MSN: variants seen among roughly 807,000 people sequenced by gnomAD.
MSN encodes epididymis luminal protein 70.
Under a neutral mutation model 48.0 loss-of-function variants are expected in MSN, and 2 were observed. That is an observed-to-expected ratio of 0.04 (90% CI 0.02 to 0.13). The LOEUF is 0.13. MSN is among the 10% of genes least tolerant of loss of function. The pLI, the probability that MSN is intolerant of heterozygous loss-of-function variation, is 1.00. For synonymous variants in MSN, 146 were observed against 166.9 expected (o/e 0.87, Z 0.97); for missense variants, 267 against 470.1 (o/e 0.57, Z 3.99).
At chrX:65,652,831 A>G (rs1410149405) in intron 1 of MSN, among the ~76,000 whole-genome samples, 1 of 108,697 alleles carries the variant, frequency 9.2e-6, no homozygotes, top group African/African-American at 3.6e-5. Context: ...CGTAGCCTAG[A>G]TGATGTTAAA....
intron 1 of MSN, among the ~76,000 whole-genome samples, chrX:65,676,662 C>T (rs529074329): frequency 9.0e-6 from 1 of 111,563 alleles, no homozygotes; most frequent in East Asian, 2.8e-4. Context: ...ACCTGTCAGG[C>T]TTGATCAGTA....
intron 2 of MSN, 46 bp from the exon 3 acceptor site, chrX:65,727,768 A>G: frequency 9.5e-7 from 1 of 1,057,662 alleles, no homozygotes; most frequent in Non-Finnish European, 1.3e-6. Context: ...CCTCACACAG[A>G]GGAAGTATTC....
chrX:65,685,618 C>T (rs1288246849), intron 1 of MSN, among the ~76,000 whole-genome samples: 1 of 111,688 alleles, frequency 9.0e-6, no homozygotes, highest in Non-Finnish European at 1.9e-5. Flanking sequence ...TTTTTTGAGA[C>T]AGAGTCTTGC....
At chrX:65,728,363 G>A (rs776254854) in intron 3 of MSN, among the ~76,000 whole-genome samples, 1 of 111,137 alleles carries the variant, frequency 9.0e-6, no homozygotes, top group African/African-American at 3.3e-5. Flanking sequence ...GTGCCATCTC[G>A]GCTCACTGCA....
At position 65,722,741 on chromosome X, in the gene MSN, C is replaced by T. The variant is rs770017719; in HGVS notation, c.97-5073C>T. Among the ~76,000 whole-genome samples, 7 of 110,777 alleles carry T rather than the reference C, an allele frequency of 6.3e-5. No individual in the cohort carries two copies. The East Asian group carries it at 1.7e-3, about 27-fold the overall frequency. On this transcript the variant is annotated intron_variant, in intron 2 of 12. Transcript: ENST00000360270. ...GCCATGCTCTGGGCTTTTGAAGTGG[C>T]TGATGACATCACTAGTTTGTTTACT...
intron 1 of MSN, among the ~76,000 whole-genome samples, chrX:65,614,683 T>A (rs1602719255): frequency 9.9e-6 from 1 of 101,380 alleles, no homozygotes; most frequent in East Asian, 2.9e-4. Context: ...TTTTTTCTTT[T>A]ATTTATTTAT....
chrX:65,715,046 A>G (rs865951848), intron 1 of MSN, among the ~76,000 whole-genome samples: 1 of 112,150 alleles, frequency 8.9e-6, no homozygotes, highest in Non-Finnish European at 1.9e-5. Context: ...ATGGCTAACC[A>G]GTTATCCCAG....
chrX:65,694,079 A>C (rs974909816), intron 1 of MSN, among the ~76,000 whole-genome samples: 18 of 110,301 alleles, frequency 1.6e-4, no homozygotes, highest in East Asian at 5.7e-4. Flanking sequence ...AAAAAACAAA[A>C]AAAAAAAACA....
chrX:65,740,727 G>A lies in MSN; in HGVS notation c.*834G>A, dbSNP rs1267677792. ...ATTATTCCAGATCTGCAGTCACTTC[G>A]TGGGATCTGCCCCTCCCTGCTTCAA... is the stretch of plus-strand genomic sequence containing the variant. On this transcript the variant is annotated 3_prime_UTR_variant, in exon 13 of 13. Transcript: ENST00000360270. 1.7e-5 allele frequency: 3 copies of A among 172,609 alleles called. No homozygotes were observed. The highest frequency in any genetic ancestry group is 5.9e-5 in the African/African-American group (2 of 33,750). 14.2% of individuals were successfully genotyped at this position (172,609 alleles called of 1,213,427 possible).
intron 1 of MSN, among the ~76,000 whole-genome samples, chrX:65,673,373 T>A (rs1168381347): frequency 9.0e-6 from 1 of 111,677 alleles, no homozygotes; most frequent in Admixed American, 9.5e-5. Context: ...TATTGGTAGA[T>A]ATTGAGGCCT....
chrX:65,661,227 C>G (rs766586508), intron 1 of MSN, among the ~76,000 whole-genome samples: 1 of 111,814 alleles, frequency 8.9e-6, no homozygotes, highest in South Asian at 3.7e-4. Context: ...GTCTCTCAAA[C>G]TGCTGGGATT....
In MSN at chrX:65,740,963, C is replaced by T; in HGVS notation, c.*1070C>T. On this transcript the variant is annotated 3_prime_UTR_variant, in exon 13 of 13. Coordinates refer to ENST00000360270, the MANE Select transcript of MSN (RefSeq NM_002444.3). The stretch of plus-strand genomic sequence containing the variant: ...CAGCCTTGGCATCTAGAGCTTGATG[C>T]CAGTAGGCTCAACTAGGGAGTGAGT... 1.2e-5 allele frequency: 2 copies of T among 170,791 alleles called. No homozygotes were observed. Among genetic ancestry groups the T allele is most frequent in the Non-Finnish European group, 2.3e-5 (2 of 88,523 alleles). 14.1% of individuals were successfully genotyped at this position (170,791 alleles called of 1,213,427 possible). A position where few individuals can be genotyped will look rare whatever the true frequency, so the allele number is the denominator to read the frequency against.
chrX:65,601,370 G>T (rs2070233862), intron 1 of MSN, among the ~76,000 whole-genome samples: 1 of 112,125 alleles, frequency 8.9e-6, no homozygotes, highest in Admixed American at 9.5e-5. Flanking sequence ...GGAGGAAGCA[G>T]TTGGGGCCTG....
Position 65,654,103 on chromosome X carries a change from CT to C in MSN, c.-21-62695del, listed in dbSNP as rs776587090. 5.7e-3 allele frequency among the ~76,000 whole-genome samples: 383 copies of C among 67,675 alleles called. 1 individual carries two copies. The highest frequency in any genetic ancestry group is 0.021 in the African/African-American group (321 of 15,307). 58.8% of individuals were successfully genotyped at this position (67,675 alleles called of 115,157 possible). ...ATGCAATCATTTTATGGAGACCCTT[CT>C]TTTTTTTTTTTTTTTTTTTGGGACA... On this transcript the variant is annotated intron_variant, in intron 1 of 3. Transcript: ENST00000609672.
intron 1 of MSN, among the ~76,000 whole-genome samples, chrX:65,671,720 G>A (rs184208999): frequency 8.9e-6 from 1 of 111,917 alleles, no homozygotes; most frequent in Non-Finnish European, 1.9e-5. Context: ...TTTCCTTTAC[G>A]CTTTTCTTTT....
chrX:65,629,769 A>G (rs929771897), intron 1 of MSN, among the ~76,000 whole-genome samples: 2 of 111,949 alleles, frequency 1.8e-5, no homozygotes, highest in African/African-American at 6.5e-5. Flanking sequence ...CCATGATTAA[A>G]TTACACCCCC....
At position 65,691,653 on chromosome X, in the gene MSN, C is replaced by T. The variant is rs752954189; in HGVS notation, c.12+23800C>T. ...CCGAGTAGCTGGGATTCCAGGTGCC[C>T]GCCTCCACGCCTGGTTAATTTTTTG... On this transcript the variant is annotated intron_variant, in intron 1 of 12. Coordinates refer to ENST00000360270, the MANE Select transcript of MSN (RefSeq NM_002444.3). Among the ~76,000 whole-genome samples, 11 of 110,441 alleles carry T rather than the reference C, an allele frequency of 1.0e-4. No individual in the cohort carries two copies. The South Asian group carries it at 3.1e-3, about 31-fold the overall frequency.
chrX:65,635,704 C>T (rs1054626973), intron 1 of MSN, among the ~76,000 whole-genome samples: 1 of 112,137 alleles, frequency 8.9e-6, no homozygotes, highest in African/African-American at 3.2e-5. Flanking sequence ...CTGTATTCTT[C>T]CTTAGCTTCC....
chrX:65,626,171 G>A (rs2070504116), intron 1 of MSN, among the ~76,000 whole-genome samples: 1 of 110,615 alleles, frequency 9.0e-6, no homozygotes. Context: ...AGCCAGGATG[G>A]TCTCGATCTC....
Sources: allele counts gnomAD v4.1 joint callset (sites outside exome capture counted in the v4.1 genomes callset), GRCh38; gene constraint gnomAD v4.1.1; transcripts MANE v1.5; gene names NCBI Gene and HGNC (gene_info 2026-07-23, HGNC 2026-07-21).